The following SYNCRIP variants were observed in gnomAD, a reference collection of about 807,000 sequenced individuals.
The protein encoded by SYNCRIP is synaptotagmin binding cytoplasmic RNA interacting protein, also known as heterogeneous nuclear ribonucleoprotein Q.
Under a neutral mutation model 68.9 loss-of-function variants are expected in SYNCRIP, and 9 were observed. That is an observed-to-expected ratio of 0.13 (90% confidence interval 0.08 to 0.23). The LOEUF (loss-of-function observed/expected upper bound fraction) is 0.23, where lower values mean the gene tolerates loss of function less well. Ranked by LOEUF, SYNCRIP falls within the 10% of genes least tolerant of loss-of-function variation. The pLI is 1.00. For synonymous variants in SYNCRIP, 258 were observed against 254.0 expected (o/e 1.02, Z -0.15); for missense variants, 414 against 770.6 (o/e 0.54, Z 5.48).
chr6:85,614,452 C>T lies in SYNCRIP; in HGVS notation c.*304G>A, dbSNP rs920746374. ...TTGAAGACACCAAATCTAAACACTA[C>T]TGGAAACATCGTTGACACTACAGCC... On this transcript the variant is annotated 3_prime_UTR_variant, in exon 11 of 11. Transcript: ENST00000369622. 5 of 1,079,806 alleles carry T rather than the reference C, an allele frequency of 4.6e-6. No individual in the cohort carries two copies. Among genetic ancestry groups the T allele is most frequent in the Admixed American group, 9.8e-5 (2 of 20,370 alleles). 66.9% of individuals were successfully genotyped at this position (1,079,806 alleles called of 1,614,324 possible).
chr6:85,629,416 T>G (rs1807443363), intron 6 of SYNCRIP, among the ~76,000 whole-genome samples: 1 of 150,784 alleles, frequency 6.6e-6, no homozygotes, highest in Non-Finnish European at 1.5e-5. Flanking sequence ...GAACCTACCT[T>G]GTCAACTACA....
At position 85,615,285 on chromosome 6, in the gene SYNCRIP, C is replaced by T. The variant is rs1475679576; in HGVS notation, c.1343G>A (p.Arg448His). Residue 448 changes from arginine (R) to histidine (H), a missense_variant, in exon 11 of 11, where the codon CGT becomes CAT. By Grantham distance (29) the Arg-to-His change is conservative. Around this residue, in one of 6 missense-constraint regions of SYNCRIP, gnomAD observed 72 missense variants for 119.8 expected, o/e 0.60. Transcript: ENST00000369622. Reference protein sequence around the residue: ...HMPPPTRGRGRGGRGGYGYPP... With the variant: ...HMPPPTRGRGHGGRGGYGYPP... ...ATATCCATAACCACCTCTACCTCCA[C>T]GCCCTCGACCTCTTGTTGGAGGGGG... 1.9e-6 allele frequency: 3 copies of T among 1,583,546 alleles called. No homozygotes were observed. Among genetic ancestry groups the T allele is most frequent in the South Asian group, 1.1e-5 (1 of 87,204 alleles).
intron 1 of SYNCRIP, among the ~76,000 whole-genome samples, chr6:85,642,225 C>T (rs1377073946): frequency 6.6e-6 from 1 of 152,108 alleles, no homozygotes; most frequent in Non-Finnish European, 1.5e-5. Flanking sequence ...CCAGCGCCGC[C>T]GTCTCCGCCG....
intron 4 of SYNCRIP, among the ~76,000 whole-genome samples, chr6:85,639,999 A>G (rs917257584): frequency 6.6e-6 from 1 of 152,238 alleles, no homozygotes; most frequent in East Asian, 1.9e-4. Context: ...AGGACTACCA[A>G]TAGAACAGAT....
chr6:85,635,453 G>A (rs1411055614), intron 6 of SYNCRIP, among the ~76,000 whole-genome samples: 1 of 152,074 alleles, frequency 6.6e-6, no homozygotes. Flanking sequence ...GCAAACCAGT[G>A]GGGAATATTC....
chr6:85,614,427 T>A lies in SYNCRIP; in HGVS notation c.*329A>T. Reference sequence around the variant, plus strand: ...CACACTTGGTTTTAATCAACTACCTTTGAAGACACCAAATCTAAACACTAC... The same window carrying A: ...CACACTTGGTTTTAATCAACTACCTATGAAGACACCAAATCTAAACACTAC... On this transcript the variant is annotated 3_prime_UTR_variant, in exon 11 of 11. Coordinates refer to ENST00000369622, the MANE Select transcript of SYNCRIP (RefSeq NM_006372.5). The A allele has an allele frequency of 9.7e-7, 1 of 1,030,432 alleles. No homozygotes were observed. The highest frequency in any genetic ancestry group is 1.2e-6 in the Non-Finnish European group (1 of 860,104). 63.8% of individuals were successfully genotyped at this position (1,030,432 alleles called of 1,614,324 possible). A position where few individuals can be genotyped will look rare whatever the true frequency, so the allele number is the denominator to read the frequency against.
chr6:85,633,186 G>A (rs2128296669), intron 6 of SYNCRIP, among the ~76,000 whole-genome samples: 1 of 151,622 alleles, frequency 6.6e-6, no homozygotes, highest in Admixed American at 6.6e-5. Flanking sequence ...AACCCGGGAG[G>A]CAGAGCTTGC....
chr6:85,629,037 A>G (rs1254177935), intron 6 of SYNCRIP, among the ~76,000 whole-genome samples: 1 of 152,004 alleles, frequency 6.6e-6, no homozygotes, highest in Non-Finnish European at 1.5e-5. Flanking sequence ...AATAATCTTC[A>G]TTATTCAGCC....
At chr6:85,636,211 G>A (rs1489916038) in intron 6 of SYNCRIP, among the ~76,000 whole-genome samples, 7 of 152,144 alleles carry the variant, frequency 4.6e-5, no homozygotes, top group African/African-American at 1.2e-4. Flanking sequence ...TTGGGAGGCC[G>A]AAGCGAGTGG....
chr6:85,643,528 C>T (rs1809456170), upstream of SYNCRIP, among the ~76,000 whole-genome samples: 1 of 151,818 alleles, frequency 6.6e-6, no homozygotes, highest in African/African-American at 2.4e-5. Context: ...CCCTCCCTCT[C>T]CCCTCCAGGC....
downstream of SYNCRIP, chr6:85,611,326 T>C (rs1805223369): frequency 6.6e-6 from 1 of 152,602 alleles, no homozygotes; most frequent in Non-Finnish European, 1.5e-5. Flanking sequence ...CAGCTTACAG[T>C]ATAAAACAAT....
At chr6:85,620,739 G>A (rs1187433093) in intron 8 of SYNCRIP, among the ~76,000 whole-genome samples, 2 of 152,092 alleles carry the variant, frequency 1.3e-5, no homozygotes, top group Non-Finnish European at 2.9e-5. Flanking sequence ...CCTGTGTAGG[G>A]GGCAGAAGTC....
chr6:85,623,369 G>C (rs1414256123), intron 7 of SYNCRIP, among the ~76,000 whole-genome samples: 2 of 151,774 alleles, frequency 1.3e-5, no homozygotes, highest in African/African-American at 4.8e-5. Flanking sequence ...TACAAGACCA[G>C]CCTGGCCAAT....
intron 10 of SYNCRIP, among the ~76,000 whole-genome samples, chr6:85,618,067 G>A (rs1052321627): frequency 6.6e-6 from 1 of 152,110 alleles, no homozygotes; most frequent in African/African-American, 2.4e-5. Flanking sequence ...CATCGAACAT[G>A]AAATTTTTGG....
chr6:85,628,561 G>T lies in SYNCRIP; in HGVS notation c.667-4449C>A, dbSNP rs148993956. 4.1e-3 allele frequency among the ~76,000 whole-genome samples: 621 copies of T among 152,284 alleles called. 1 individual carries two copies. The highest frequency in any genetic ancestry group is 0.014 in the African/African-American group (564 of 41,536). ...CCAAGAAATACTGACAAGTGTCACT[G>T]AAGAGTGACATTCTAACACAATACT... On this transcript the variant is annotated intron_variant, in intron 6 of 10. Transcript: ENST00000369622.
chr6:85,621,451 T>A (rs1319335357), intron 8 of SYNCRIP, among the ~76,000 whole-genome samples: 1 of 151,874 alleles, frequency 6.6e-6, no homozygotes, highest in Non-Finnish European at 1.5e-5. Context: ...CTCTACAAAA[T>A]TTTTTAAAAA....
intron 10 of SYNCRIP, among the ~76,000 whole-genome samples, chr6:85,616,386 C>T (rs1432895884): frequency 6.6e-6 from 1 of 152,128 alleles, no homozygotes; most frequent in Non-Finnish European, 1.5e-5. Context: ...AATGCAGTGG[C>T]GCAATCTCAC....
intron 8 of SYNCRIP, 84 bp downstream of exon 8, chr6:85,622,398 G>A (rs1264717346): frequency 2.4e-6 from 3 of 1,269,394 alleles, no homozygotes; most frequent in Non-Finnish European, 3.4e-6. Flanking sequence ...AATGTATACT[G>A]TTCATTTTAT....
At position 85,640,687 on chromosome 6, in the gene SYNCRIP, G is replaced by GAA. The variant is rs76289266; in HGVS notation, c.149-125_149-124dup. On this transcript the variant is annotated intron_variant, in intron 2 of 10. Coordinates refer to ENST00000369622, the MANE Select transcript of SYNCRIP (RefSeq NM_006372.5). ...TCTTCTACTCCCCTCATCTATACCT[G>GAA]AAAAAAAAAAAACACACACTTCAGC... The GAA allele has an allele frequency of 2.7e-3, 1,067 of 392,668 alleles. 3 individuals are homozygous for GAA. The highest frequency in any genetic ancestry group is 4.0e-3 in the South Asian group (71 of 17,810). The allele number at this position is 392,668 out of a possible 1,614,324, so 24.3% of individuals were successfully genotyped here. A position where few individuals can be genotyped will look rare whatever the true frequency, so the allele number is the denominator to read the frequency against.
Sources: allele counts gnomAD v4.1 joint callset (sites outside exome capture counted in the v4.1 genomes callset), GRCh38; gene constraint gnomAD v4.1.1; regional missense constraint gnomAD v4.1.1; transcripts MANE v1.5; gene names NCBI Gene and HGNC (gene_info 2026-07-23, HGNC 2026-07-21).